Variants in SGCZ observed in about 807,000 individuals in gnomAD.
The protein encoded by SGCZ is sarcoglycan zeta, also known as zeta-sarcoglycan.
A neutral mutation model predicts 41.3 loss-of-function variants in SGCZ; 40 were observed. That is an observed-to-expected ratio of 0.97 (90% CI 0.75 to 1.26). The LOEUF (loss-of-function observed/expected upper bound fraction) is 1.26. SGCZ is among the 50% of genes most tolerant of loss of function. The pLI, the probability that SGCZ is intolerant of heterozygous loss-of-function variation, is 0.00. For missense variants in SGCZ, 552 were observed against 369.8 expected (o/e 1.49, Z -4.04); for synonymous variants, 206 against 137.5 (o/e 1.50, Z -3.49).
intron 1 of SGCZ, among the ~76,000 whole-genome samples, chr8:14,670,606 A>C (rs1808071722): frequency 6.6e-6 from 1 of 152,204 alleles, no homozygotes; most frequent in Non-Finnish European, 1.5e-5. Flanking sequence ...CTTACACCTG[A>C]GGAAAATAAT....
chr8:14,375,013 A>T (rs1036567438), intron 2 of SGCZ, among the ~76,000 whole-genome samples: 4 of 152,280 alleles, frequency 2.6e-5, no homozygotes, highest in South Asian at 4.1e-4. Context: ...AGGTATGACT[A>T]TGTGGATGAA....
At chr8:14,914,375 C>G (rs975381920) in intron 1 of SGCZ, among the ~76,000 whole-genome samples, 3 of 151,996 alleles carry the variant, frequency 2.0e-5, no homozygotes, top group African/African-American at 7.2e-5. Flanking sequence ...ACAATGACAA[C>G]TGTAGCTTTT....
At chr8:14,971,806 T>C (rs779196234) in intron 1 of SGCZ, among the ~76,000 whole-genome samples, 4 of 151,850 alleles carry the variant, frequency 2.6e-5, no homozygotes. Context: ...CATGCCACAA[T>C]GCCGAGATAA....
At chr8:14,711,118 C>A (rs943876828) in intron 1 of SGCZ, among the ~76,000 whole-genome samples, 2 of 152,056 alleles carry the variant, frequency 1.3e-5, no homozygotes, top group Non-Finnish European at 2.9e-5. Context: ...GTTAAGTATG[C>A]CTGACACAGC....
chr8:15,125,615 C>G (rs1807650399), intron 1 of SGCZ, among the ~76,000 whole-genome samples: 1 of 151,918 alleles, frequency 6.6e-6, no homozygotes. Flanking sequence ...TTCATATACC[C>G]CAATATACTC....
chr8:14,614,397 T>G (rs1806027866), intron 1 of SGCZ, among the ~76,000 whole-genome samples: 1 of 152,186 alleles, frequency 6.6e-6, no homozygotes, highest in Non-Finnish European at 1.5e-5. Context: ...TAAAAAAATG[T>G]AAACTAAAAT....
intron 2 of SGCZ, among the ~76,000 whole-genome samples, chr8:14,506,559 C>T (rs1168019953): frequency 6.6e-6 from 1 of 152,028 alleles, no homozygotes; most frequent in Non-Finnish European, 1.5e-5. Context: ...ACCTGGACAC[C>T]TAAGTCTCCC....
At chr8:15,052,774 T>A (rs568070844) in intron 1 of SGCZ, among the ~76,000 whole-genome samples, 36 of 152,284 alleles carry the variant, frequency 2.4e-4, no homozygotes, top group African/African-American at 8.2e-4. Flanking sequence ...TTAAAAAGCA[T>A]ATCCAATTTT....
Position 14,551,562 on chromosome 8 carries a change from TATATATAA to T in SGCZ, c.234+3162_234+3169del, listed in dbSNP as rs1803852215. ...TATATAATATATATAATATATATTA[TATATATAA>T]TATATATATAATATATATAATATAT... On this transcript the variant is annotated intron_variant, in intron 2 of 7. Transcript: ENST00000382080. Among the ~76,000 whole-genome samples the T allele has an allele frequency of 1.5e-3, 26 of 17,014 alleles. No homozygotes were observed. In the East Asian group the frequency reaches 0.039, roughly 26 times the overall value. The allele number at this position is 17,014 out of a possible 152,430, so 11.2% of individuals were successfully genotyped here. A position where few individuals can be genotyped will look rare whatever the true frequency, so the allele number is the denominator to read the frequency against.
At chr8:14,697,273 T>G (rs2117587126) in intron 1 of SGCZ, among the ~76,000 whole-genome samples, 1 of 152,174 alleles carries the variant, frequency 6.6e-6, no homozygotes, top group African/African-American at 2.4e-5. Context: ...ATGCCAGAAA[T>G]GACTCTTGGC....
At chr8:14,880,395 T>A (rs6530812) in intron 1 of SGCZ, among the ~76,000 whole-genome samples, 1 of 151,902 alleles carries the variant, frequency 6.6e-6, no homozygotes, top group Admixed American at 6.6e-5. Flanking sequence ...GTCAGTGTGG[T>A]GATTTCTCAG....
intron 4 of SGCZ, among the ~76,000 whole-genome samples, chr8:14,234,713 T>A (rs1438002583): frequency 6.6e-6 from 1 of 152,130 alleles, no homozygotes; most frequent in East Asian, 1.9e-4. Context: ...GAACAGCTAC[T>A]TTATGTATAC....
intron 1 of SGCZ, among the ~76,000 whole-genome samples, chr8:15,169,468 C>T (rs1799765789): frequency 6.6e-6 from 1 of 152,178 alleles, no homozygotes; most frequent in South Asian, 2.1e-4. Flanking sequence ...TCTTCCTTTT[C>T]ACCCAATAGA....
intron 2 of SGCZ, among the ~76,000 whole-genome samples, chr8:14,404,782 T>C (rs73664350): frequency 6.6e-6 from 1 of 152,092 alleles, no homozygotes; most frequent in Non-Finnish European, 1.5e-5. Flanking sequence ...TATCTCAAGG[T>C]GCTGAAACCT....
intron 1 of SGCZ, among the ~76,000 whole-genome samples, chr8:14,564,448 G>T (rs188204579): frequency 1.3e-5 from 2 of 152,160 alleles, no homozygotes; most frequent in East Asian, 1.9e-4. Flanking sequence ...CCTTCTGTGC[G>T]TCTTAGGGAA....
chr8:14,229,729 A>G (rs1478035), intron 4 of SGCZ, among the ~76,000 whole-genome samples: 145,350 of 151,912 alleles, frequency 0.96, 69,625 homozygotes, highest in East Asian at 1. Context: ...CTTTTTATAC[A>G]TCCTATACCA....
At chr8:14,757,586 G>C (rs1404932470) in intron 1 of SGCZ, among the ~76,000 whole-genome samples, 1 of 152,146 alleles carries the variant, frequency 6.6e-6, no homozygotes, top group East Asian at 1.9e-4. Context: ...ACATAAAAAG[G>C]AGGCAGAAAT....
chr8:14,978,024 G>T (rs1281917464), intron 1 of SGCZ, among the ~76,000 whole-genome samples: 4 of 151,646 alleles, frequency 2.6e-5, no homozygotes, highest in African/African-American at 9.7e-5. Context: ...TTTGTCCTCT[G>T]TTGACCTCAT....
intron 2 of SGCZ, among the ~76,000 whole-genome samples, chr8:14,363,424 G>A (rs906337517): frequency 5.3e-5 from 8 of 152,120 alleles, no homozygotes; most frequent in African/African-American, 1.9e-4. Flanking sequence ...TGAATCAGTT[G>A]CAAGCAGCAC....
Sources: gnomAD v4.1 joint callset for allele counts (sites outside exome capture counted in the v4.1 genomes callset) on GRCh38, gnomAD v4.1.1 for gene constraint, MANE v1.5 for transcripts, NCBI Gene and HGNC (gene_info 2026-07-23, HGNC 2026-07-21) for gene names.